The following MAGI2 variants were observed in gnomAD, a reference collection of about 807,000 sequenced individuals.
MAGI2 encodes the protein membrane associated guanylate kinase, WW and PDZ domain containing 2, also known as membrane-associated guanylate kinase, WW and PDZ domain-containing protein 2.
In MAGI2, 35 loss-of-function variants were observed where a neutral mutation model predicts 133.3. The observed-to-expected ratio is 0.26, with a 90% CI of 0.20 to 0.35. The LOEUF is 0.35. Ranked by LOEUF, MAGI2 falls within the 10% of genes least tolerant of loss-of-function variation. MAGI2 has a pLI of 1.00. For missense variants in MAGI2, 1,636 were observed against 1,863.4 expected (o/e 0.88, Z 2.25); for synonymous variants, 729 against 710.6 (o/e 1.03, Z -0.41).
intron 4 of MAGI2, among the ~76,000 whole-genome samples, chr7:78,519,915 A>T (rs1796354616): frequency 6.6e-6 from 1 of 152,234 alleles, no homozygotes; most frequent in Non-Finnish European, 1.5e-5. Context: ...GGCTTCTCAT[A>T]TCAAAGATCA....
chr7:78,162,329 C>CAT, intron 15 of MAGI2, among the ~76,000 whole-genome samples: 1 of 145,560 alleles, frequency 6.9e-6, no homozygotes, highest in African/African-American at 2.6e-5. Context: ...ATCGAGACCA[C>CAT]GGTGAAACCC....
chr7:79,204,647 T>C (rs1276836827), intron 1 of MAGI2, among the ~76,000 whole-genome samples: 1 of 151,950 alleles, frequency 6.6e-6, no homozygotes, highest in African/African-American at 2.4e-5. Context: ...TATAACCTGC[T>C]TGACAAAGAA....
intron 21 of MAGI2, among the ~76,000 whole-genome samples, chr7:78,049,752 G>A (rs1327901910): frequency 6.6e-6 from 1 of 152,160 alleles, no homozygotes; most frequent in Non-Finnish European, 1.5e-5. Flanking sequence ...TGTAACAGAC[G>A]ACATCCTGTA....
At chr7:78,115,344 AG>A (rs1179503896) in intron 20 of MAGI2, among the ~76,000 whole-genome samples, 2 of 152,252 alleles carry the variant, frequency 1.3e-5, no homozygotes, top group African/African-American at 4.8e-5. Context: ...TAATAGGAAA[AG>A]AACAAAAATG....
chr7:78,575,259 T>C (rs1802148165), intron 3 of MAGI2, among the ~76,000 whole-genome samples: 1 of 152,114 alleles, frequency 6.6e-6, no homozygotes. Flanking sequence ...TAATAAAGTA[T>C]TGGATTATAG....
At chr7:78,460,783 C>T (rs1789895004) in intron 6 of MAGI2, among the ~76,000 whole-genome samples, 1 of 152,162 alleles carries the variant, frequency 6.6e-6, no homozygotes. Context: ...ATACTTTTTA[C>T]AAATGGTAGC....
intron 1 of MAGI2, among the ~76,000 whole-genome samples, chr7:79,320,596 C>A (rs1057158705): frequency 6.6e-6 from 1 of 152,044 alleles, no homozygotes; most frequent in African/African-American, 2.4e-5. Context: ...ATTATTCTTT[C>A]AAGTTAAGTT....
At chr7:78,760,469 T>TC (rs924737474) in intron 2 of MAGI2, among the ~76,000 whole-genome samples, 7 of 151,634 alleles carry the variant, frequency 4.6e-5, no homozygotes, top group East Asian at 3.9e-4. Context: ...TTCGAGCGAT[T>TC]CTCCTGCCTC....
intron 3 of MAGI2, among the ~76,000 whole-genome samples, chr7:78,535,240 T>A (rs975119062): frequency 6.6e-6 from 1 of 152,154 alleles, no homozygotes; most frequent in African/African-American, 2.4e-5. Flanking sequence ...AAGCCTTGAA[T>A]CTGGAGAAAT....
At chr7:78,229,260 T>C (rs907529274) in intron 10 of MAGI2, among the ~76,000 whole-genome samples, 2 of 152,206 alleles carry the variant, frequency 1.3e-5, no homozygotes, top group African/African-American at 4.8e-5. Flanking sequence ...ATTTTCTTGT[T>C]TAGTCCTTGT....
chr7:78,241,132 C>T (rs1259030804), intron 10 of MAGI2, among the ~76,000 whole-genome samples: 1 of 151,852 alleles, frequency 6.6e-6, no homozygotes, highest in South Asian at 2.1e-4. Flanking sequence ...ACACAGTTAG[C>T]CCTAAGTAAA....
intron 7 of MAGI2, among the ~76,000 whole-genome samples, chr7:78,368,641 A>G (rs1457418414): frequency 6.6e-6 from 1 of 152,128 alleles, no homozygotes; most frequent in African/African-American, 2.4e-5. Flanking sequence ...AATTCATACC[A>G]TGACAAATTA....
At chr7:79,287,323 A>G (rs755433804) in intron 1 of MAGI2, among the ~76,000 whole-genome samples, 2 of 152,100 alleles carry the variant, frequency 1.3e-5, no homozygotes, top group Non-Finnish European at 2.9e-5. Flanking sequence ...CTATATCCCT[A>G]TATTAATATT....
At chr7:78,589,809 A>G (rs985441914) in intron 3 of MAGI2, among the ~76,000 whole-genome samples, 1 of 152,248 alleles carries the variant, frequency 6.6e-6, no homozygotes, top group Non-Finnish European at 1.5e-5. Flanking sequence ...GGTCTTCAAT[A>G]TGGAAAGAGT....
At chr7:79,310,206 G>T in intron 1 of MAGI2, among the ~76,000 whole-genome samples, 1 of 118,788 alleles carries the variant, frequency 8.4e-6, no homozygotes, top group Admixed American at 9.1e-5. Flanking sequence ...GAGAGAGAGA[G>T]AGAAATATCT....
intron 9 of MAGI2, among the ~76,000 whole-genome samples, chr7:78,271,507 TG>T (rs1273657686): frequency 1.3e-5 from 2 of 152,196 alleles, no homozygotes; most frequent in East Asian, 3.9e-4. Flanking sequence ...TTCTGTTGTT[TG>T]GGATAGTTTC....
At chr7:78,283,374 G>A (rs1795822355) in intron 9 of MAGI2, among the ~76,000 whole-genome samples, 1 of 152,098 alleles carries the variant, frequency 6.6e-6, no homozygotes, top group South Asian at 2.1e-4. Flanking sequence ...AGAATGGCTG[G>A]TGATGGAATT....
Position 78,019,532 on chromosome 7 carries a change from C to G in MAGI2, c.4151G>C (p.Gly1384Ala). ...GSELCRREGP[G>A]AAPAFAGPGG... The stretch of plus-strand genomic sequence containing the variant: ...CGGGCCGGCAAACGCCGGCGCAGCC[C>G]CCGGGCCTTCGCGCCGGCAGAGCTC... Residue 1384 changes from glycine to alanine, a missense_variant, in exon 22 of 22, where the codon GGG becomes GCG. By Grantham distance (60) the Gly-to-Ala change is moderately conservative (BLOSUM62 0). Transcript: ENST00000354212. 1 of 980,462 alleles carries G rather than the reference C, an allele frequency of 1.0e-6. No homozygotes were observed. Among genetic ancestry groups the G allele is most frequent in the South Asian group, 4.5e-5 (1 of 22,040 alleles). 60.7% of individuals were successfully genotyped at this position (980,462 alleles called of 1,614,324 possible).
intron 2 of MAGI2, among the ~76,000 whole-genome samples, chr7:78,962,134 G>A (rs1802900192): frequency 1.3e-5 from 2 of 152,144 alleles, no homozygotes; most frequent in South Asian, 4.2e-4. Context: ...TCACTAAACA[G>A]AATGATCTTC....
Sources: allele counts gnomAD v4.1 joint callset (sites outside exome capture counted in the v4.1 genomes callset), GRCh38; gene constraint gnomAD v4.1.1; transcripts MANE v1.5; gene names NCBI Gene and HGNC (gene_info 2026-07-23, HGNC 2026-07-21).